Variants in SPATS2L observed in about 807,000 individuals in gnomAD.
SPATS2L encodes the protein SPATS2-like protein.
A neutral mutation model predicts 59.6 loss-of-function variants in SPATS2L; 30 were observed. The ratio of observed to expected loss-of-function variants is 0.50; its 90% CI spans 0.38 to 0.68. The LOEUF (loss-of-function observed/expected upper bound fraction) is 0.68, where lower values mean the gene tolerates loss of function less well. Among genes scored for constraint, SPATS2L ranks in the 30% least tolerant of loss-of-function variants. The pLI, the probability that SPATS2L is intolerant of heterozygous loss-of-function variation, is 0.00. For synonymous variants in SPATS2L, 252 were observed against 263.5 expected (o/e 0.96, Z 0.42); for missense variants, 615 against 700.0 (o/e 0.88, Z 1.37).
At chr2:200,412,188 G>A in intron 3 of SPATS2L, 123 bp from the exon 4 acceptor site, 1 of 572,876 alleles carries the variant, frequency 1.7e-6, no homozygotes, top group South Asian at 2.7e-5. Flanking sequence ...ATGACAAGAA[G>A]GTAGATTAGT....
intron 12 of SPATS2L, among the ~76,000 whole-genome samples, chr2:200,473,739 C>G (rs2087262897): frequency 6.6e-6 from 1 of 152,166 alleles, no homozygotes; most frequent in Non-Finnish European, 1.5e-5. Context: ...ATGGCTCACT[C>G]CTATAATCCC....
At chr2:200,448,177 C>T (rs1055401075) in intron 8 of SPATS2L, among the ~76,000 whole-genome samples, 1 of 152,146 alleles carries the variant, frequency 6.6e-6, no homozygotes, top group Non-Finnish European at 1.5e-5. Flanking sequence ...CACAGTGGCC[C>T]ACACCTGTAA....
chr2:200,372,200 TC>T (rs2081448344), intron 2 of SPATS2L: 1 of 985,244 alleles, frequency 1.0e-6, no homozygotes, highest in Non-Finnish European at 1.2e-6. Context: ...ACATTGTTTC[TC>T]CCTTTGGAAT....
At chr2:200,427,302 TATCTC>T (rs1276241310) in intron 6 of SPATS2L, among the ~76,000 whole-genome samples, 2 of 151,970 alleles carry the variant, frequency 1.3e-5, no homozygotes, top group East Asian at 3.8e-4. Flanking sequence ...TATATCAAAA[TATCTC>T]AAGCACCCCA....
chr2:200,407,904 A>G (rs1176590342), intron 3 of SPATS2L, among the ~76,000 whole-genome samples: 1 of 152,100 alleles, frequency 6.6e-6, no homozygotes, highest in East Asian at 1.9e-4. Context: ...GCATTCTCTC[A>G]CTCAACAAAT....
At chr2:200,350,607 T>A (rs1002599121) in intron 2 of SPATS2L, among the ~76,000 whole-genome samples, 2 of 152,198 alleles carry the variant, frequency 1.3e-5, no homozygotes, top group African/African-American at 4.8e-5. Context: ...CACTGCAGCC[T>A]CTGCCTCCTA....
intron 3 of SPATS2L, among the ~76,000 whole-genome samples, chr2:200,398,971 G>A (rs954328573): frequency 2.6e-5 from 4 of 152,012 alleles, no homozygotes; most frequent in East Asian, 1.9e-4. Flanking sequence ...GGGATGCTTC[G>A]GAACTCTGCT....
At chr2:200,309,423 A>T (rs556403390) in intron 1 of SPATS2L, among the ~76,000 whole-genome samples, 47 of 152,340 alleles carry the variant, frequency 3.1e-4, no homozygotes, top group Non-Finnish European at 5.3e-4. Flanking sequence ...TGCACTTGAC[A>T]GGTACTGCTT....
chr2:200,306,549 G>A, upstream of SPATS2L: 1 of 1,002,504 alleles, frequency 1.0e-6, no homozygotes, highest in Non-Finnish European at 1.2e-6. Flanking sequence ...GGCGTGAGCA[G>A]CGCTGTGTTT....
At chr2:200,408,421 G>T (rs2082762493) in intron 3 of SPATS2L, among the ~76,000 whole-genome samples, 3 of 152,204 alleles carry the variant, frequency 2.0e-5, no homozygotes, top group Non-Finnish European at 4.4e-5. Flanking sequence ...GAATTGCAGG[G>T]GAGAGACTGG....
At chr2:200,425,566 T>C (rs544600690) in intron 6 of SPATS2L, among the ~76,000 whole-genome samples, 2 of 152,278 alleles carry the variant, frequency 1.3e-5, no homozygotes, top group East Asian at 1.9e-4. Flanking sequence ...ATAAAGAACA[T>C]TCGTCCACTT....
intron 9 of SPATS2L, 24 bp from the exon 10 acceptor site, chr2:200,467,266 G>A: frequency 1.3e-6 from 2 of 1,503,142 alleles, no homozygotes; most frequent in South Asian, 1.1e-5. Flanking sequence ...TGGCCCTAAT[G>A]TATGACTCCT....
At chr2:200,451,253 G>A (rs1044875046) in intron 8 of SPATS2L, among the ~76,000 whole-genome samples, 38 of 151,852 alleles carry the variant, frequency 2.5e-4, no homozygotes, top group East Asian at 1.6e-3. Context: ...CCCAGGAGGC[G>A]GAGTTTGCAG....
rs552537491 is a variant in SPATS2L at position 200,477,792 on chromosome 2, C to A, written c.1438C>A (p.Arg480=). Residue 480 remains arginine, a synonymous_variant, in exon 13 of 13, where the codon CGG becomes AGG. Coordinates refer to ENST00000409140, the MANE Select transcript of SPATS2L (RefSeq NM_001100423.2). ...EHRRQPHNGF[R]PKNKGGAKNQ... ...CAGAAGACAGCCGCACAACGGCTTC[C>A]GGCCCAAAAACAAAGGCGGTGCCAA... 12 of 1,576,402 alleles carry A rather than the reference C, an allele frequency of 7.6e-6. No individual in the cohort carries two copies. In the African/African-American group the frequency reaches 1.4e-4, roughly 18 times the overall value.
chr2:200,396,289 A>G (rs62279294), intron 3 of SPATS2L, among the ~76,000 whole-genome samples: 13,037 of 151,660 alleles, frequency 0.086, 738 homozygotes, highest in Middle Eastern at 0.13. Context: ...GAACTGTTAC[A>G]GTTATAGAGG....
rs576360643 is a variant in SPATS2L, at chr2:200,419,818, A to G, written c.445+322A>G. ...AGTCTTGAACTCCTGGACTCAAGCA[A>G]TCCTGCCTTGGCATCCCAAAGTGCT... On this transcript the variant is annotated intron_variant, in intron 6 of 12. Transcript: ENST00000409140. Among the ~76,000 whole-genome samples, 142 of 151,672 alleles carry G rather than the reference A, an allele frequency of 9.4e-4. 1 individual carries two copies. Among genetic ancestry groups the G allele is most frequent in the African/African-American group, 3.3e-3 (136 of 41,284 alleles).
chr2:200,375,480 G>T (rs958251253), intron 2 of SPATS2L, among the ~76,000 whole-genome samples: 4 of 152,158 alleles, frequency 2.6e-5, no homozygotes, highest in African/African-American at 9.7e-5. Context: ...CAATAAGGAT[G>T]ATATAGAAGG....
intron 1 of SPATS2L, among the ~76,000 whole-genome samples, chr2:200,309,692 C>G (rs952214895): frequency 1.3e-5 from 2 of 152,118 alleles, no homozygotes; most frequent in Non-Finnish European, 2.9e-5. Flanking sequence ...TGTAATCACA[C>G]AATTAAAATA....
At chr2:200,471,998 G>C (rs769578063) in intron 11 of SPATS2L, among the ~76,000 whole-genome samples, 1 of 152,200 alleles carries the variant, frequency 6.6e-6, no homozygotes, top group Non-Finnish European at 1.5e-5. Flanking sequence ...TTCTGATTCA[G>C]TGTAATCACA....
Sources: gnomAD v4.1 joint callset for allele counts (sites outside exome capture counted in the v4.1 genomes callset) on GRCh38, gnomAD v4.1.1 for gene constraint, MANE v1.5 for transcripts, NCBI Gene and HGNC (gene_info 2026-07-23, HGNC 2026-07-21) for gene names.